DES: variants seen among roughly 807,000 people sequenced by gnomAD.
DES encodes cardiomyopathy, dilated 1F (autosomal dominant).
Under a neutral mutation model 55.1 loss-of-function variants are expected in DES, and 34 were observed. The ratio of observed to expected loss-of-function variants is 0.62; its 90% confidence interval spans 0.47 to 0.82. DES has a LOEUF of 0.82. DES is among the 40% of genes least tolerant of loss of function. DES has a pLI of 0.00. For missense variants in DES, 596 were observed against 645.9 expected (o/e 0.92, Z 0.84); for synonymous variants, 259 against 270.8 (o/e 0.96, Z 0.43).
At position 219,418,588 on chromosome 2, in the gene DES, T is replaced by C. The variant is rs1575013028; in HGVS notation, c.126T>C (p.Ser42=). ...SPVFPRAGFG[S]KGSSSSVTSR... is the part of the protein sequence containing the mutation. ...TGTTCCCGCGGGCGGGTTTCGGCTC[T>C]AAGGGCTCCTCCAGCTCGGTGACGT... is the stretch of plus-strand genomic sequence containing the variant. The change falls in exon 1 of 9, where the codon TCT becomes TCC. Residue 42 remains serine (S), a synonymous_variant. Transcript: ENST00000373960. 1 of 1,605,252 alleles carries C rather than the reference T, an allele frequency of 6.2e-7. No homozygotes were observed. The highest frequency in any genetic ancestry group is 1.3e-5 in the African/African-American group (1 of 74,846).
intron 5 of DES, 26 bp from the exon 6 acceptor site, chr2:219,421,314 T>C: frequency 6.2e-7 from 1 of 1,613,474 alleles, no homozygotes; most frequent in Non-Finnish European, 8.5e-7. Context: ...TTCCCTTCCT[T>C]GACCTGGGTT....
intron 5 of DES, among the ~76,000 whole-genome samples, 181 bp downstream of exon 5, chr2:219,421,134 A>T (rs1954432978): frequency 6.6e-6 from 1 of 152,236 alleles, no homozygotes; most frequent in Non-Finnish European, 1.5e-5. Flanking sequence ...GTTCCTGGGC[A>T]TCTACCTATG....
chr2:219,425,582 T>C (rs1954520148), intron 7 of DES, 81 bp from the exon 8 acceptor site: 1 of 1,251,976 alleles, frequency 8.0e-7, no homozygotes. Context: ...CTGCCCAATG[T>C]GGCCCCAGAT....
At chr2:219,422,490 A>T (rs1954464406) in intron 6 of DES, among the ~76,000 whole-genome samples, 1 of 58,478 alleles carries the variant, frequency 1.7e-5, no homozygotes, top group Non-Finnish European at 3.5e-5. Context: ...TTTGAGACAG[A>T]GTCTTGCTCT....
rs368313414 is a variant in DES at position 219,420,052 on chromosome 2, T to G, written c.579-43T>G. The G allele has an allele frequency of 6.2e-6, 10 of 1,611,754 alleles. No homozygotes were observed. In the African/African-American group the frequency reaches 1.2e-4, roughly 19 times the overall value. On this transcript the variant is annotated intron_variant, in intron 1 of 8. Transcript: ENST00000373960. This position sits in a 1 kb window ranked among gnomAD's most constrained non-coding sequence, Gnocchi z 6.0. ...CCGGCCAGTCGTTTCCACTGCCAGCTTTATCACCCGCAACTGTCTGTCTTT... is the reference window on the plus strand; with the variant it reads ...CCGGCCAGTCGTTTCCACTGCCAGCGTTATCACCCGCAACTGTCTGTCTTT...
At position 219,418,561 on chromosome 2, in the gene DES, C is replaced by G; in HGVS notation, c.99C>G (p.Pro33=). 1 of 1,603,530 alleles carries G rather than the reference C, an allele frequency of 6.2e-7. No homozygotes were observed. Residue 33 remains proline (P), a synonymous_variant, in exon 1 of 9, where the codon CCC becomes CCG. Transcript: ENST00000373960. The part of the protein sequence containing the change: ...GFPLGSPLSS[P]VFPRAGFGSK... Reference sequence around the variant, plus strand: ...CACTCGGCTCCCCGCTGAGTTCGCCCGTGTTCCCGCGGGCGGGTTTCGGCT... The same window carrying G: ...CACTCGGCTCCCCGCTGAGTTCGCCGGTGTTCCCGCGGGCGGGTTTCGGCT...
At position 219,418,869 on chromosome 2, in the gene DES, T is replaced by A. The variant is rs397516695; in HGVS notation, c.407T>A (p.Leu136His). Residue 136 changes from leucine to histidine, a missense_variant, in exon 1 of 9, where the codon CTC becomes CAC. Coordinates refer to ENST00000373960, the MANE Select transcript of DES (RefSeq NM_001927.4). The stretch of plus-strand genomic sequence containing the variant: ...TTCCTGGAGCAGCAGAACGCGGCGC[T>A]CGCCGCCGAAGTGAACCGGCTCAAG... Reference protein sequence around the residue: ...VRFLEQQNAALAAEVNRLKGR... With the variant: ...VRFLEQQNAAHAAEVNRLKGR... The A allele has an allele frequency of 1.2e-4, 195 of 1,574,354 alleles. 1 individual carries two copies. The highest frequency in any genetic ancestry group is 1.6e-4 in the Non-Finnish European group (184 of 1,160,570).
At position 219,421,416 on chromosome 2, in the gene DES, T is replaced by C. The variant is rs1480755998; in HGVS notation, c.1100T>C (p.Ile367Thr). The change falls in exon 6 of 9, where the codon ATT becomes ACT. Residue 367 changes from isoleucine to threonine, a missense_variant. Transcript: ENST00000373960. ...ASEASGYQDNIARLEEEIRHL... is the reference protein window; with the variant it reads ...ASEASGYQDNTARLEEEIRHL... ...GAGGCCAGTGGCTACCAGGACAACATTGCGCGCCTGGAGGAGGAAATCCGG... is the reference window on the plus strand; with the variant it reads ...GAGGCCAGTGGCTACCAGGACAACACTGCGCGCCTGGAGGAGGAAATCCGG... 8.1e-6 allele frequency: 13 copies of C among 1,614,030 alleles called. No individual in the cohort carries two copies. Among genetic ancestry groups the C allele is most frequent in the Non-Finnish European group, 1.1e-5 (13 of 1,179,994 alleles).
At position 219,420,290 on chromosome 2, in the gene DES, C is replaced by A. The variant is rs767743962; in HGVS notation, c.679C>A (p.Arg227Ser). Residue 227 changes from arginine to serine, a missense_variant, in exon 3 of 9, where the codon CGC (arginine) becomes AGC (serine). Coordinates refer to ENST00000373960, the MANE Select transcript of DES (RefSeq NM_001927.4). This position sits in a 1 kb window ranked among gnomAD's most constrained non-coding sequence, Gnocchi z 6.0. Reference sequence around the variant, plus strand: ...TACTCTAGCTCGCATTGACCTGGAGCGCAGAATTGAATCTCTCAACGAGGA... The same window carrying A: ...TACTCTAGCTCGCATTGACCTGGAGAGCAGAATTGAATCTCTCAACGAGGA... ...AATLARIDLE[R>S]RIESLNEEIA... The A allele has an allele frequency of 1.2e-6, 2 of 1,614,178 alleles. No homozygotes were observed. The highest frequency in any genetic ancestry group is 1.7e-5 in the Admixed American group (1 of 60,026).
chr2:219,423,937 A>C (rs1028758032), intron 7 of DES, 117 bp downstream of exon 7: 2 of 1,177,922 alleles, frequency 1.7e-6, no homozygotes, highest in African/African-American at 3.0e-5. Flanking sequence ...ACAGACCTGG[A>C]GTCTGGGGAA....
chr2:219,425,798 G>T (rs1954524954), intron 8 of DES, 53 bp downstream of exon 8: 2 of 1,602,734 alleles, frequency 1.2e-6, no homozygotes, highest in African/African-American at 1.3e-5. Flanking sequence ...GGATGTGTCT[G>T]GGGGGACTGT....
In DES at chr2:219,418,981, C is replaced by T; in HGVS notation, c.519C>T (p.Arg173=). ...RRQVEVLTNQ[R]ARVDVERDNL... Reference sequence around the variant, plus strand: ...AGGTGGAGGTGCTCACTAACCAGCGCGCGCGCGTCGACGTCGAGCGCGACA... The same window carrying T: ...AGGTGGAGGTGCTCACTAACCAGCGTGCGCGCGTCGACGTCGAGCGCGACA... Residue 173 remains arginine (R), a synonymous_variant, in exon 1 of 9, where the codon CGC becomes CGT. Coordinates refer to ENST00000373960, the MANE Select transcript of DES (RefSeq NM_001927.4). 6.4e-7 allele frequency: 1 copy of T among 1,552,582 alleles called. No individual in the cohort carries two copies. The highest frequency in any genetic ancestry group is 8.7e-7 in the Non-Finnish European group (1 of 1,148,662).
chr2:219,425,593 G>A (rs1954520353), intron 7 of DES, 70 bp from the exon 8 acceptor site: 2 of 1,390,682 alleles, frequency 1.4e-6, no homozygotes, highest in Admixed American at 2.0e-5. Context: ...GGCCCCAGAT[G>A]GACTCCCAGC....
Position 219,420,687 on chromosome 2 carries a change from C to T in DES, c.897+31C>T. On this transcript the variant is annotated intron_variant, in intron 4 of 8. Coordinates refer to ENST00000373960, the MANE Select transcript of DES (RefSeq NM_001927.4). The surrounding 1 kb of genome is among the most constrained non-coding windows in gnomAD (Gnocchi z 6.0). The stretch of plus-strand genomic sequence containing the variant: ...TGGCCTCGCCCGGGGACTGGCATCT[C>T]CGTCCCCCTGAATCCCAGCTTGGAT... 1 of 1,613,960 alleles carries T rather than the reference C, an allele frequency of 6.2e-7. No individual in the cohort carries two copies. Among genetic ancestry groups the T allele is most frequent in the South Asian group, 1.1e-5 (1 of 91,046 alleles).
Position 219,426,027 on chromosome 2 carries a change from C to T in DES, c.*37C>T. ...CTCTGCCACCAGAGACCGTCCTCAC[C>T]CCTGTCCTCACTGCTCCCTGAAGCC... On this transcript the variant is annotated 3_prime_UTR_variant, in exon 9 of 9. Transcript: ENST00000373960. The surrounding 1 kb of genome is among the most constrained non-coding windows in gnomAD (Gnocchi z 4.5). The T allele has an allele frequency of 1.2e-6, 2 of 1,612,674 alleles. No individual in the cohort carries two copies. The highest frequency in any genetic ancestry group is 1.7e-6 in the Non-Finnish European group (2 of 1,178,928).
chr2:219,425,231 C>A (rs974661658), intron 7 of DES: 2 of 234,686 alleles, frequency 8.5e-6, no homozygotes, highest in Non-Finnish European at 1.7e-5. Flanking sequence ...ACTGTAAGGT[C>A]CTCTAAAGAG....
At chr2:219,421,257 G>C in intron 5 of DES, 83 bp from the exon 6 acceptor site, 1 of 1,459,878 alleles carries the variant, frequency 6.8e-7, no homozygotes, top group South Asian at 1.1e-5. Flanking sequence ...TGACCATCTG[G>C]AGTTGCCTGC....
Position 219,423,823 on chromosome 2 carries a change from G to T in DES, c.1288+3G>T. Reference sequence around the variant, plus strand: ...CTACTCTGCCCTCAACTTCCGAGGTGAGTGTCTGCTGGCAGGCGGAGGCTG... The same window carrying T: ...CTACTCTGCCCTCAACTTCCGAGGTTAGTGTCTGCTGGCAGGCGGAGGCTG... On this transcript the variant is annotated splice_donor_region_variant and intron_variant, in intron 7 of 8. Transcript: ENST00000373960. 2 of 1,613,890 alleles carry T rather than the reference G, an allele frequency of 1.2e-6. No individual in the cohort carries two copies. Among genetic ancestry groups the T allele is most frequent in the Non-Finnish European group, 1.7e-6 (2 of 1,179,824 alleles).
Position 219,418,651 on chromosome 2 carries a change from C to T in DES, c.189C>T (p.Ala63=). Residue 63 remains alanine (A), a synonymous_variant, in exon 1 of 9, where the codon GCC becomes GCT. Coordinates refer to ENST00000373960, the MANE Select transcript of DES (RefSeq NM_001927.4). ...AGGTGTCGCGCACGTCGGGCGGGGC[C>T]GGGGGCCTGGGGTCGCTGCGGGCCA... ...VYQVSRTSGG[A]GGLGSLRASR... is the part of the protein sequence containing the mutation. 1 of 1,594,798 alleles carries T rather than the reference C, an allele frequency of 6.3e-7. No homozygotes were observed. The highest frequency in any genetic ancestry group is 8.5e-7 in the Non-Finnish European group (1 of 1,171,114).
Sources: gnomAD v4.1 joint callset for allele counts (sites outside exome capture counted in the v4.1 genomes callset) on GRCh38, gnomAD v4.1.1 for gene constraint, Gnocchi (gnomAD v3.1) non-coding constraint, MANE v1.5 for transcripts, NCBI Gene and HGNC (gene_info 2026-07-23, HGNC 2026-07-21) for gene names.